COMMD10: variants seen among roughly 807,000 people sequenced by gnomAD.
COMMD10 encodes COMM domain containing 10.
A neutral mutation model predicts 28.9 loss-of-function variants in COMMD10; 33 were observed. The observed-to-expected ratio is 1.14, with a 90% CI of 0.87 to 1.53. COMMD10 has a LOEUF of 1.53. Ranked by LOEUF, COMMD10 falls within the 40% of genes most tolerant of loss-of-function variation. COMMD10 has a pLI of 0.00. For synonymous variants in COMMD10, 110 were observed against 81.7 expected, an observed-to-expected ratio of 1.35 and a Z score of -1.87; for missense variants, 310 against 233.4, an observed-to-expected ratio of 1.33 and a Z score of -2.14.
chr5:116,153,421 A>C (rs1003652215), intron 5 of COMMD10, among the ~76,000 whole-genome samples: 1 of 152,070 alleles, frequency 6.6e-6, no homozygotes, highest in African/African-American at 2.4e-5. Context: ...CTTGAATTCT[A>C]GTCAGCCTGG....
intron 5 of COMMD10, among the ~76,000 whole-genome samples, chr5:116,153,093 A>T (rs1422508130): frequency 2.6e-5 from 4 of 152,106 alleles, no homozygotes; most frequent in Non-Finnish European, 4.4e-5. Context: ...AATGACCTTT[A>T]TGAATAAAAT....
At chr5:116,122,924 CG>C (rs1380630450) in intron 4 of COMMD10, among the ~76,000 whole-genome samples, 1 of 152,124 alleles carries the variant, frequency 6.6e-6, no homozygotes, top group Non-Finnish European at 1.5e-5. Context: ...CATCTGCAAA[CG>C]GGGACAGTTT....
At chr5:116,249,613 C>T (rs565312514) in intron 5 of COMMD10, among the ~76,000 whole-genome samples, 1 of 152,006 alleles carries the variant, frequency 6.6e-6, no homozygotes, top group South Asian at 2.1e-4. Flanking sequence ...GGGTTACAAA[C>T]ATTTGAATTC....
At chr5:116,272,716 T>C (rs1750792551) in intron 5 of COMMD10, among the ~76,000 whole-genome samples, 1 of 152,020 alleles carries the variant, frequency 6.6e-6, no homozygotes, top group Non-Finnish European at 1.5e-5. Context: ...TTGAAAGCTC[T>C]GTTCTTGTCT....
chr5:116,160,131 CT>C (rs1009226224), intron 5 of COMMD10, among the ~76,000 whole-genome samples: 2 of 152,106 alleles, frequency 1.3e-5, no homozygotes, highest in Non-Finnish European at 2.9e-5. Flanking sequence ...CATTTGCCTC[CT>C]TTACTAGACC....
At chr5:116,095,981 C>A (rs1272086395) in intron 4 of COMMD10, among the ~76,000 whole-genome samples, 1 of 152,122 alleles carries the variant, frequency 6.6e-6, no homozygotes, top group East Asian at 1.9e-4. Context: ...TTTGTCTATG[C>A]CAATATCACA....
chr5:116,256,347 A>C (rs1477388878), intron 5 of COMMD10, among the ~76,000 whole-genome samples: 1 of 151,770 alleles, frequency 6.6e-6, no homozygotes, highest in Non-Finnish European at 1.5e-5. Flanking sequence ...TCTGTGTCTG[A>C]CAGTCGGTAG....
At chr5:116,098,679 G>A (rs1055618872) in intron 4 of COMMD10, among the ~76,000 whole-genome samples, 8 of 152,062 alleles carry the variant, frequency 5.3e-5, no homozygotes, top group Non-Finnish European at 1.0e-4. Context: ...GTGTCTGTAG[G>A]GGGTCCTGGA....
intron 4 of COMMD10, among the ~76,000 whole-genome samples, chr5:116,108,654 A>G (rs553359604): frequency 2.6e-5 from 4 of 152,186 alleles, no homozygotes; most frequent in African/African-American, 9.6e-5. Flanking sequence ...GAGCCAGACC[A>G]CTTTGCTCCC....
At chr5:116,170,663 G>C (rs1158632512) in intron 5 of COMMD10, among the ~76,000 whole-genome samples, 1 of 152,048 alleles carries the variant, frequency 6.6e-6, no homozygotes, top group Non-Finnish European at 1.5e-5. Context: ...ACAGAACAGA[G>C]GCCTCAGAAA....
intron 5 of COMMD10, among the ~76,000 whole-genome samples, chr5:116,151,341 C>G (rs1399629194): frequency 1.3e-5 from 2 of 151,930 alleles, no homozygotes; most frequent in African/African-American, 4.8e-5. Context: ...GTGTCTCTGC[C>G]CAGCTTTGGT....
At chr5:116,246,756 A>T (rs1048188091) in intron 5 of COMMD10, among the ~76,000 whole-genome samples, 3 of 152,164 alleles carry the variant, frequency 2.0e-5, no homozygotes, top group Non-Finnish European at 4.4e-5. Flanking sequence ...CCTATTAAAT[A>T]AATAGTGTTG....
At chr5:116,132,825 T>A (rs1346723934) in intron 4 of COMMD10, among the ~76,000 whole-genome samples, 1 of 152,174 alleles carries the variant, frequency 6.6e-6, no homozygotes, top group Non-Finnish European at 1.5e-5. Context: ...TTACTTAACA[T>A]GTACCATGAA....
intron 5 of COMMD10, among the ~76,000 whole-genome samples, chr5:116,199,369 A>G (rs1198839358): frequency 1.3e-5 from 2 of 152,104 alleles, no homozygotes; most frequent in African/African-American, 4.8e-5. Flanking sequence ...TATATCAGAC[A>G]TGTGATTTGC....
At chr5:116,279,546 T>G (rs912601361) in intron 5 of COMMD10, among the ~76,000 whole-genome samples, 22 of 151,904 alleles carry the variant, frequency 1.4e-4, no homozygotes, top group Middle Eastern at 6.8e-3. Flanking sequence ...TTTAATGAAG[T>G]CTTTGGAATC....
rs549434896 is a variant in COMMD10 at position 116,238,649 on chromosome 5, T to A, written c.511-52868T>A. Among the ~76,000 whole-genome samples the A allele has an allele frequency of 2.0e-5, 3 of 152,290 alleles. No individual in the cohort carries two copies. In the South Asian group the frequency reaches 6.2e-4, roughly 32 times the overall value. The stretch of plus-strand genomic sequence containing the variant: ...ATGTAGGCTCCCCAGGAGTTCATAT[T>A]CAATTTAACAACATCAATTCTACTT... On this transcript the variant is annotated intron_variant, in intron 5 of 6. Transcript: ENST00000274458.
chr5:116,210,481 A>C (rs945819334), intron 5 of COMMD10, among the ~76,000 whole-genome samples: 3 of 152,042 alleles, frequency 2.0e-5, no homozygotes, highest in Non-Finnish European at 2.9e-5. Flanking sequence ...ATACAATCTA[A>C]GTAATATTAT....
At chr5:116,224,977 T>C (rs1257026861) in intron 5 of COMMD10, among the ~76,000 whole-genome samples, 2 of 152,212 alleles carry the variant, frequency 1.3e-5, no homozygotes, top group South Asian at 4.1e-4. Context: ...TACTTTAACA[T>C]TTTATATAAT....
chr5:116,251,542 G>A (rs1224887796), intron 5 of COMMD10, among the ~76,000 whole-genome samples: 3 of 149,546 alleles, frequency 2.0e-5, no homozygotes, highest in Non-Finnish European at 4.4e-5. Context: ...AATATGCGGT[G>A]TTTGGTTTTT....
Sources: gnomAD v4.1 joint callset for allele counts (sites outside exome capture counted in the v4.1 genomes callset) on GRCh38, gnomAD v4.1.1 for gene constraint, MANE v1.5 for transcripts, NCBI Gene and HGNC (gene_info 2026-07-23, HGNC 2026-07-21) for gene names.